Variants in C1GALT1 observed in about 807,000 individuals in gnomAD.
C1GALT1 encodes the protein core 1 synthase, glycoprotein-N-acetylgalactosamine 3-beta-galactosyltransferase 1, also known as glycoprotein-N-acetylgalactosamine 3-beta-galactosyltransferase 1.
C1GALT1 carries 11 observed loss-of-function variants against 31.0 expected under a neutral mutation model. The observed-to-expected ratio is 0.36, with a 90% confidence interval of 0.22 to 0.59. C1GALT1 has a LOEUF of 0.59. C1GALT1 is among the 20% of genes least tolerant of loss of function. The pLI is 0.79. For missense variants in C1GALT1, 424 were observed against 425.2 expected, an observed-to-expected ratio of 1.00 and a Z score of 0.03; for synonymous variants, 175 against 143.6, an observed-to-expected ratio of 1.22 and a Z score of -1.56.
rs1276941281 is a variant in C1GALT1, at chr7:7,245,142, A to C, written c.*1415A>C. ...TCTATGAGATTATTTTTATGGTACAAAGTATTTACATTTCCCTCATGTTTA... is the reference window on the plus strand; with the variant it reads ...TCTATGAGATTATTTTTATGGTACACAGTATTTACATTTCCCTCATGTTTA... On this transcript the variant is annotated 3_prime_UTR_variant, in exon 4 of 4. Coordinates refer to ENST00000436587, the MANE Select transcript of C1GALT1 (RefSeq NM_020156.5). The C allele has an allele frequency of 2.0e-5, 3 of 152,224 alleles. No homozygotes were observed. The highest frequency in any genetic ancestry group is 4.4e-5 in the Non-Finnish European group (3 of 68,032). 9.4% of individuals were successfully genotyped at this position (152,224 alleles called of 1,614,324 possible).
At chr7:7,224,670 G>T (rs1003736325) in intron 1 of C1GALT1, among the ~76,000 whole-genome samples, 4 of 152,068 alleles carry the variant, frequency 2.6e-5, no homozygotes, top group Non-Finnish European at 5.9e-5. Context: ...TATCTGCAGG[G>T]TCAATAGAAA....
At chr7:7,240,241 A>G (rs1437343607) in intron 3 of C1GALT1, among the ~76,000 whole-genome samples, 1 of 152,188 alleles carries the variant, frequency 6.6e-6, no homozygotes, top group African/African-American at 2.4e-5. Flanking sequence ...CCACTACATT[A>G]TAAACCTACT....
chr7:7,233,956 A>T (rs188135915), intron 1 of C1GALT1, among the ~76,000 whole-genome samples: 1 of 150,930 alleles, frequency 6.6e-6, no homozygotes, highest in East Asian at 2.0e-4. Flanking sequence ...AGAGAAAAAG[A>T]AGTAGACTTC....
chr7:7,227,444 G>C (rs1782816838), intron 1 of C1GALT1, among the ~76,000 whole-genome samples: 2 of 152,216 alleles, frequency 1.3e-5, no homozygotes, highest in Non-Finnish European at 2.9e-5. Context: ...GGGAAGGCCG[G>C]GCGCGGTGGC....
Position 7,191,346 on chromosome 7 carries a change from T to C in C1GALT1, c.-18+8526T>C, listed in dbSNP as rs570242989. ...CTTACTTTTCAAGGCTGAATACTAT[T>C]CCATTGTATGTAAATACATTTTGCT... On this transcript the variant is annotated intron_variant, in intron 1 of 3. Transcript: ENST00000436587. 5.3e-4 allele frequency among the ~76,000 whole-genome samples: 80 copies of C among 152,312 alleles called. 1 individual carries two copies. In the South Asian group the frequency reaches 0.016, roughly 30 times the overall value.
At chr7:7,215,473 TC>T (rs34468590) in intron 1 of C1GALT1, among the ~76,000 whole-genome samples, 45,347 of 151,940 alleles carry the variant, frequency 0.3, 8,123 homozygotes, top group East Asian at 0.52. Context: ...GGGTTCCCTT[TC>T]CCCCTAGCTT....
intron 2 of C1GALT1, among the ~76,000 whole-genome samples, chr7:7,177,375 G>A (rs1454311002): frequency 6.6e-6 from 1 of 152,116 alleles, no homozygotes; most frequent in African/African-American, 2.4e-5. Flanking sequence ...CATGTTTTCT[G>A]CCATTTATTT....
intron 2 of C1GALT1, among the ~76,000 whole-genome samples, chr7:7,163,851 T>A (rs1780364478): frequency 6.6e-6 from 1 of 151,616 alleles, no homozygotes; most frequent in South Asian, 2.1e-4. Flanking sequence ...TCCATGCTCA[T>A]GGGTAGGAAG....
upstream of C1GALT1, among the ~76,000 whole-genome samples, chr7:7,180,274 C>G (rs1355412521): frequency 1.3e-5 from 2 of 152,170 alleles, no homozygotes; most frequent in African/African-American, 4.8e-5. Flanking sequence ...AATTTTTATT[C>G]TCTAATTGAA....
intron 1 of C1GALT1, among the ~76,000 whole-genome samples, chr7:7,229,436 C>G (rs1231606440): frequency 1.3e-5 from 2 of 152,138 alleles, no homozygotes. Context: ...AAACATCTTT[C>G]ATTTACTTCT....
intron 1 of C1GALT1, among the ~76,000 whole-genome samples, chr7:7,233,854 G>A (rs1364173125): frequency 6.6e-6 from 1 of 152,144 alleles, no homozygotes; most frequent in East Asian, 1.9e-4. Context: ...GAAACCACAT[G>A]AGACCCAAAA....
chr7:7,164,805 G>A (rs1337787270), intron 2 of C1GALT1, among the ~76,000 whole-genome samples: 1 of 152,160 alleles, frequency 6.6e-6, no homozygotes, highest in African/African-American at 2.4e-5. Context: ...TGAGAGGGCT[G>A]TAAGCTGAAG....
chr7:7,160,733 A>C (rs1334051407), intron 2 of C1GALT1, among the ~76,000 whole-genome samples: 4 of 152,122 alleles, frequency 2.6e-5, no homozygotes, highest in African/African-American at 4.8e-5. Context: ...GTCGAAGTAC[A>C]TGTCCAAAGG....
intron 1 of C1GALT1, among the ~76,000 whole-genome samples, chr7:7,229,095 T>C (rs558567910): frequency 6.6e-6 from 1 of 152,334 alleles, no homozygotes; most frequent in African/African-American, 2.4e-5. Flanking sequence ...CAGTCCTTCC[T>C]CTTCTCAGTC....
At chr7:7,186,982 A>G (rs914536439) in intron 1 of C1GALT1, among the ~76,000 whole-genome samples, 7 of 152,138 alleles carry the variant, frequency 4.6e-5, no homozygotes, top group Non-Finnish European at 8.8e-5. Flanking sequence ...TTCAGTTTTA[A>G]AAGGATCATT....
chr7:7,241,086 T>C (rs1385440674), intron 3 of C1GALT1, among the ~76,000 whole-genome samples: 2 of 104,292 alleles, frequency 1.9e-5, no homozygotes, highest in Non-Finnish European at 3.9e-5. Flanking sequence ...ATTTAAAATA[T>C]ATGTGTAATT....
intron 1 of C1GALT1, 63 bp downstream of exon 1, chr7:7,182,883 C>A (rs1000459887): frequency 6.1e-6 from 6 of 978,762 alleles, no homozygotes; most frequent in South Asian, 4.7e-5. Flanking sequence ...TCGCCCTCCC[C>A]CCTCTCCGGG....
At chr7:7,234,613 CTG>C (rs1376397166) in intron 2 of C1GALT1, 74 bp downstream of exon 2, 8 of 1,108,726 alleles carry the variant, frequency 7.2e-6, no homozygotes, top group Non-Finnish European at 1.0e-5. Flanking sequence ...CTGTCTGTAT[CTG>C]TTAATTAAAA....
chr7:7,225,144 C>A (rs1469224446), intron 1 of C1GALT1, among the ~76,000 whole-genome samples: 2 of 152,064 alleles, frequency 1.3e-5, no homozygotes, highest in Non-Finnish European at 1.5e-5. Context: ...TTCCTTCTTG[C>A]TTTGGGTTTA....
Sources: allele counts gnomAD v4.1 joint callset (sites outside exome capture counted in the v4.1 genomes callset), GRCh38; gene constraint gnomAD v4.1.1; transcripts MANE v1.5; gene names NCBI Gene and HGNC (gene_info 2026-07-23, HGNC 2026-07-21).